CNIH3: variants seen among roughly 807,000 people sequenced by gnomAD.
CNIH3 encodes protein cornichon homolog 3.
In CNIH3, 14 loss-of-function variants were observed where a neutral mutation model predicts 24.1. That is an observed-to-expected ratio of 0.58 (90% CI 0.38 to 0.91). CNIH3 has a LOEUF of 0.91. CNIH3 is among the 40% of genes least tolerant of loss of function. CNIH3 has a pLI of 0.00. For missense variants in CNIH3, 178 were observed against 196.8 expected, an observed-to-expected ratio of 0.90 and a Z score of 0.57; for synonymous variants, 68 against 73.8, an observed-to-expected ratio of 0.92 and a Z score of 0.40.
At chr1:224,667,384 A>T (rs1296667049) in intron 1 of CNIH3, among the ~76,000 whole-genome samples, 1 of 152,206 alleles carries the variant, frequency 6.6e-6, no homozygotes, top group East Asian at 1.9e-4. Context: ...CAGGTGACTG[A>T]TGAGAGAAGG....
chr1:224,557,791 C>T (rs1029439786), intron 3 of CNIH3, among the ~76,000 whole-genome samples: 1 of 152,170 alleles, frequency 6.6e-6, no homozygotes, highest in Non-Finnish European at 1.5e-5. Context: ...TTTGAGAATT[C>T]CTTCAGTGGG....
intron 1 of CNIH3, among the ~76,000 whole-genome samples, chr1:224,635,598 AGCCGGCCTC>A (rs1285635976): frequency 1.3e-5 from 2 of 152,238 alleles, no homozygotes; most frequent in African/African-American, 4.8e-5. Context: ...AGCACAGCCG[AGCCGGCCTC>A]GGCCTTGGAC....
chr1:224,592,591 C>T (rs1681806056), downstream of CNIH3, among the ~76,000 whole-genome samples: 3 of 152,228 alleles, frequency 2.0e-5, no homozygotes, highest in South Asian at 6.2e-4. Flanking sequence ...CGGGAAAGCT[C>T]AGGACTTTTA....
chr1:224,727,591 G>T (rs1689101853), intron 3 of CNIH3, among the ~76,000 whole-genome samples: 1 of 152,220 alleles, frequency 6.6e-6, no homozygotes, highest in Non-Finnish European at 1.5e-5. Context: ...CCAGAAGGCT[G>T]AGTGCTGGGT....
intron 1 of CNIH3, among the ~76,000 whole-genome samples, chr1:224,447,309 T>C (rs1675208179): frequency 6.6e-6 from 1 of 151,648 alleles, no homozygotes. Flanking sequence ...AGTCCTGGAG[T>C]CCCAAGGCCA....
At chr1:224,448,961 C>CTTTTTTTT (rs397983008) in intron 1 of CNIH3, among the ~76,000 whole-genome samples, 1 of 115,272 alleles carries the variant, frequency 8.7e-6, no homozygotes, top group Non-Finnish European at 1.9e-5. Context: ...AGCTGGGATT[C>CTTTTTTTT]TTTTTTTTTT....
intron 1 of CNIH3, among the ~76,000 whole-genome samples, chr1:224,639,521 A>T (rs1196154564): frequency 6.6e-6 from 1 of 152,250 alleles, no homozygotes; most frequent in African/African-American, 2.4e-5. Flanking sequence ...ATAGCTTAAA[A>T]CAATAGCCAA....
chr1:224,455,855 T>A (rs932093396), intron 1 of CNIH3, among the ~76,000 whole-genome samples: 1 of 152,236 alleles, frequency 6.6e-6, no homozygotes, highest in Non-Finnish European at 1.5e-5. Flanking sequence ...GATATTTTTA[T>A]ATGAAGCATT....
At chr1:224,503,660 TG>T (rs1677778564) in intron 1 of CNIH3, among the ~76,000 whole-genome samples, 1 of 152,188 alleles carries the variant, frequency 6.6e-6, no homozygotes, top group African/African-American at 2.4e-5. Flanking sequence ...CAGGGCTGCC[TG>T]GTGTTTAGCA....
chr1:224,459,702 G>A (rs1675828146), intron 1 of CNIH3, among the ~76,000 whole-genome samples: 1 of 152,004 alleles, frequency 6.6e-6, no homozygotes, highest in Admixed American at 6.6e-5. Flanking sequence ...GATGTGGAGG[G>A]CCCAGAAGTA....
intron 3 of CNIH3, among the ~76,000 whole-genome samples, chr1:224,608,786 G>A (rs1300473412): frequency 6.6e-6 from 1 of 152,236 alleles, no homozygotes; most frequent in Non-Finnish European, 1.5e-5. Context: ...CTGTCCACAT[G>A]CACAGTGGCC....
rs1676423354 is a variant in CNIH3 at position 224,472,792 on chromosome 1, A to G, written n.203+37930A>G. The stretch of plus-strand genomic sequence containing the variant: ...TCCCCAAAAATCCTATTGAAATAAA[A>G]AAATTAAAAATCAAAAACCACAAAA... On this transcript the variant is annotated intron_variant and non_coding_transcript_variant, in intron 1 of 5. Transcript: ENST00000471578. 2.0e-5 allele frequency among the ~76,000 whole-genome samples: 3 copies of G among 152,244 alleles called. No individual in the cohort carries two copies. In the South Asian group the frequency reaches 6.2e-4, roughly 31 times the overall value.
At chr1:224,662,131 C>T (rs1210390691) in intron 1 of CNIH3, among the ~76,000 whole-genome samples, 6 of 152,022 alleles carry the variant, frequency 3.9e-5, no homozygotes, top group Non-Finnish European at 2.9e-5. Flanking sequence ...CATGTTTTGC[C>T]TATATTATAA....
At chr1:224,726,881 A>AT (rs1689056000) in intron 3 of CNIH3, among the ~76,000 whole-genome samples, 1 of 141,052 alleles carries the variant, frequency 7.1e-6, no homozygotes, top group Non-Finnish European at 1.6e-5. Context: ...AGCTTCTCTT[A>AT]TTAAAAAAAA....
intron 3 of CNIH3, among the ~76,000 whole-genome samples, chr1:224,725,098 T>C (rs1430343122): frequency 6.6e-6 from 1 of 152,116 alleles, no homozygotes; most frequent in Non-Finnish European, 1.5e-5. Context: ...CAGTACCAGC[T>C]ACTCGGGAGG....
intron 1 of CNIH3, among the ~76,000 whole-genome samples, chr1:224,667,950 C>G (rs1052782264): frequency 6.6e-6 from 1 of 152,160 alleles, no homozygotes; most frequent in Non-Finnish European, 1.5e-5. Flanking sequence ...TGCAGCTACA[C>G]TTCTGAGGGC....
intron 2 of CNIH3, among the ~76,000 whole-genome samples, chr1:224,522,219 AAAAATGTGTCTTTGATAAAAG>A (rs1197961625): frequency 6.6e-6 from 1 of 152,180 alleles, no homozygotes; most frequent in African/African-American, 2.4e-5. Context: ...AAAAAAAAAG[AAAAATGTGTCTTTGATAAAAG>A]AAGTCCTTTC....
intron 2 of CNIH3, among the ~76,000 whole-genome samples, chr1:224,530,468 T>A (rs1679018928): frequency 6.6e-6 from 1 of 152,144 alleles, no homozygotes; most frequent in Admixed American, 6.5e-5. Flanking sequence ...TTACATTTAA[T>A]ACAGCAAGCC....
chr1:224,612,784 A>G (rs1682759014), upstream of CNIH3, among the ~76,000 whole-genome samples: 1 of 152,248 alleles, frequency 6.6e-6, no homozygotes, highest in Admixed American at 6.5e-5. The surrounding 1 kb of genome is among the most constrained non-coding windows in gnomAD (Gnocchi z 4.7). Flanking sequence ...TCCGTAAACA[A>G]GAACCAGCAG....
Sources: allele counts gnomAD v4.1 joint callset (sites outside exome capture counted in the v4.1 genomes callset), GRCh38; gene constraint gnomAD v4.1.1; non-coding constraint Gnocchi (gnomAD v3.1); transcripts MANE v1.5; gene names NCBI Gene and HGNC (gene_info 2026-07-23, HGNC 2026-07-21).